PTPRT: variants seen among roughly 807,000 people sequenced by gnomAD.
PTPRT encodes protein tyrosine phosphatase receptor type T.
A neutral mutation model predicts 176.8 loss-of-function variants in PTPRT; 56 were observed. The ratio of observed to expected loss-of-function variants is 0.32; its 90% confidence interval spans 0.26 to 0.40. The LOEUF (loss-of-function observed/expected upper bound fraction) is 0.40. PTPRT is among the 10% of genes least tolerant of loss of function. The probability of loss-of-function intolerance (pLI) is 1.00; values close to 1 mark genes in which losing one functional copy is unlikely to be tolerated. For missense variants in PTPRT, 1,540 were observed against 1,908.2 expected, an observed-to-expected ratio of 0.81 and a Z score of 3.60; for synonymous variants, 783 against 739.0, an observed-to-expected ratio of 1.06 and a Z score of -0.96.
At chr20:43,044,850 G>A (rs1213709825) in intron 1 of PTPRT, among the ~76,000 whole-genome samples, 1 of 152,202 alleles carries the variant, frequency 6.6e-6, no homozygotes, top group Non-Finnish European at 1.5e-5. Flanking sequence ...TTAAAGCAAG[G>A]AAGTGTGCAG....
intron 1 of PTPRT, among the ~76,000 whole-genome samples, chr20:43,131,164 T>A (rs2013635982): frequency 6.6e-6 from 1 of 152,208 alleles, no homozygotes; most frequent in South Asian, 2.1e-4. Context: ...CCAGGAGGTG[T>A]TTCATACAAC....
chr20:43,148,917 G>A (rs536165492), intron 1 of PTPRT, among the ~76,000 whole-genome samples: 3 of 152,142 alleles, frequency 2.0e-5, no homozygotes, highest in Non-Finnish European at 2.9e-5. Flanking sequence ...AATCTTTAAC[G>A]TGCTTGAGGT....
chr20:42,567,970 T>G (rs983420387), intron 7 of PTPRT, among the ~76,000 whole-genome samples: 1 of 151,642 alleles, frequency 6.6e-6, no homozygotes, highest in African/African-American at 2.4e-5. Flanking sequence ...TTGCTTTTTT[T>G]TGCTTTTTTT....
At chr20:42,889,422 T>C (rs887729112) in intron 1 of PTPRT, among the ~76,000 whole-genome samples, 1 of 152,210 alleles carries the variant, frequency 6.6e-6, no homozygotes, top group Non-Finnish European at 1.5e-5. Flanking sequence ...CTTTCCACTC[T>C]ATCTTGAGCC....
At chr20:42,997,309 A>G (rs936445867) in intron 1 of PTPRT, among the ~76,000 whole-genome samples, 2 of 152,150 alleles carry the variant, frequency 1.3e-5, no homozygotes, top group African/African-American at 4.8e-5. Flanking sequence ...GTAATGCTGT[A>G]TAACTTCTGA....
chr20:42,578,400 G>A (rs538333154), intron 7 of PTPRT, among the ~76,000 whole-genome samples: 10 of 152,290 alleles, frequency 6.6e-5, no homozygotes, highest in African/African-American at 2.4e-4. Flanking sequence ...TCATGGTGCA[G>A]ATGTGATTGC....
intron 6 of PTPRT, among the ~76,000 whole-genome samples, chr20:42,694,689 T>C (rs1377014559): frequency 6.6e-6 from 1 of 152,228 alleles, no homozygotes; most frequent in Non-Finnish European, 1.5e-5. Flanking sequence ...TGTACTACTA[T>C]TGTCACTATT....
intron 8 of PTPRT, among the ~76,000 whole-genome samples, chr20:42,461,747 G>C (rs879727486): frequency 3.9e-5 from 6 of 152,188 alleles, no homozygotes; most frequent in African/African-American, 7.2e-5. Flanking sequence ...TGAAATAATT[G>C]TTTTGGTGCA....
At chr20:42,273,097 G>T (rs1184756395) in intron 13 of PTPRT, among the ~76,000 whole-genome samples, 1 of 152,046 alleles carries the variant, frequency 6.6e-6, no homozygotes, top group Non-Finnish European at 1.5e-5. Flanking sequence ...TTTATTCATT[G>T]CCTCTCCCAT....
At chr20:42,919,244 A>T (rs1978991043) in intron 1 of PTPRT, among the ~76,000 whole-genome samples, 1 of 152,104 alleles carries the variant, frequency 6.6e-6, no homozygotes, top group African/African-American at 2.4e-5. Flanking sequence ...ATCTTAGGAA[A>T]CGTTACTACT....
intron 7 of PTPRT, among the ~76,000 whole-genome samples, chr20:42,481,351 G>A (rs572927242): frequency 1.3e-5 from 2 of 152,142 alleles, no homozygotes; most frequent in South Asian, 2.1e-4. Flanking sequence ...CCCTAAGGTC[G>A]AAGACTAGAG....
chr20:43,065,952 T>C (rs1284439491), intron 1 of PTPRT, among the ~76,000 whole-genome samples: 19 of 152,152 alleles, frequency 1.2e-4, no homozygotes, highest in Non-Finnish European at 2.8e-4. Flanking sequence ...GGACTGGAAC[T>C]CCTGTCCCTG....
At chr20:42,882,162 T>C (rs2079021288) in intron 2 of PTPRT, among the ~76,000 whole-genome samples, 1 of 152,154 alleles carries the variant, frequency 6.6e-6, no homozygotes, top group South Asian at 2.1e-4. Flanking sequence ...ACTGCTGGCT[T>C]TACAGAAAGA....
chr20:42,113,930 A>AG (rs1338508297), intron 22 of PTPRT, among the ~76,000 whole-genome samples: 2 of 152,076 alleles, frequency 1.3e-5, no homozygotes, highest in East Asian at 3.9e-4. Context: ...TGGGGGTTGG[A>AG]GGGGGAGCTT....
intron 9 of PTPRT, among the ~76,000 whole-genome samples, chr20:42,393,071 T>C (rs2058816152): frequency 6.6e-6 from 1 of 152,200 alleles, no homozygotes; most frequent in Non-Finnish European, 1.5e-5. Flanking sequence ...AGATCTATTT[T>C]GTAACGATTC....
At chr20:42,934,089 G>A (rs1454037640) in intron 1 of PTPRT, among the ~76,000 whole-genome samples, 2 of 152,214 alleles carry the variant, frequency 1.3e-5, no homozygotes. Context: ...TATCGAACAA[G>A]CATCGCTTAT....
intron 9 of PTPRT, among the ~76,000 whole-genome samples, chr20:42,415,650 G>A (rs748715274): frequency 6.6e-6 from 1 of 152,132 alleles, no homozygotes; most frequent in African/African-American, 2.4e-5. Flanking sequence ...CATAGGACTT[G>A]GCATTTAGGA....
rs558896078 is a variant in PTPRT at position 43,114,843 on chromosome 20, T to C, written c.88+74803A>G. 1.5e-4 allele frequency among the ~76,000 whole-genome samples: 23 copies of C among 152,222 alleles called. No homozygotes were observed. The East Asian group carries it at 4.4e-3, about 29-fold the overall frequency. The stretch of plus-strand genomic sequence containing the variant: ...AATTAAACACAGGACCTTGAAAAAA[T>C]TAAATTTAAATAAGTAAGTTGAATA... On this transcript the variant is annotated intron_variant, in intron 1 of 30. Coordinates refer to ENST00000373187, the MANE Select transcript of PTPRT (RefSeq NM_007050.6).
intron 1 of PTPRT, among the ~76,000 whole-genome samples, chr20:43,083,356 A>G (rs2011513004): frequency 3.0e-5 from 4 of 131,316 alleles, no homozygotes; most frequent in Admixed American, 8.0e-5. Context: ...ATATATATAT[A>G]TATATATATA....
Sources: gnomAD v4.1 joint callset for allele counts (sites outside exome capture counted in the v4.1 genomes callset) on GRCh38, gnomAD v4.1.1 for gene constraint, MANE v1.5 for transcripts, NCBI Gene and HGNC (gene_info 2026-07-23, HGNC 2026-07-21) for gene names.